ARSG: variants seen among roughly 807,000 people sequenced by gnomAD.
ARSG encodes ASG.
In ARSG, 37 loss-of-function variants were observed where a neutral mutation model predicts 50.5. The observed-to-expected ratio is 0.73, with a 90% confidence interval of 0.56 to 0.96. The LOEUF (loss-of-function observed/expected upper bound fraction) is 0.96. Ranked by LOEUF, ARSG falls within the 50% of genes least tolerant of loss-of-function variation. ARSG has a pLI of 0.00. For synonymous variants in ARSG, 225 were observed against 254.6 expected, an observed-to-expected ratio of 0.88 and a Z score of 1.11; for missense variants, 629 against 675.3, an observed-to-expected ratio of 0.93 and a Z score of 0.76.
At chr17:68,318,285 C>A (rs782766335) in intron 2 of ARSG, among the ~76,000 whole-genome samples, 1 of 152,182 alleles carries the variant, frequency 6.6e-6, no homozygotes, top group Non-Finnish European at 1.5e-5. Flanking sequence ...GGTGAATAAC[C>A]CTGATGATAC....
intron 2 of ARSG, among the ~76,000 whole-genome samples, chr17:68,340,311 GTC>G (rs2078211029): frequency 6.6e-6 from 1 of 152,082 alleles, no homozygotes; most frequent in African/African-American, 2.4e-5. Flanking sequence ...GTGTGACTGA[GTC>G]TTGCTTTGTC....
intron 2 of ARSG, among the ~76,000 whole-genome samples, chr17:68,311,914 C>A (rs1555766926): frequency 2.0e-5 from 3 of 151,568 alleles, no homozygotes; most frequent in Non-Finnish European, 2.9e-5. Flanking sequence ...GATTCTCCAG[C>A]CTCAGCCTCC....
chr17:68,355,094 G>A (rs1444842535), intron 5 of ARSG, among the ~76,000 whole-genome samples: 2 of 152,116 alleles, frequency 1.3e-5, no homozygotes, highest in Non-Finnish European at 2.9e-5. Flanking sequence ...GTTCTCTTTG[G>A]TGACCAGGAC....
chr17:68,320,839 T>G (rs962179142), intron 2 of ARSG, among the ~76,000 whole-genome samples: 1 of 152,148 alleles, frequency 6.6e-6, no homozygotes, highest in African/African-American at 2.4e-5. Flanking sequence ...TGGAGAGAGA[T>G]GTCAGATTCA....
At chr17:68,336,879 TAAATA>T (rs1232862889) in intron 2 of ARSG, among the ~76,000 whole-genome samples, 2 of 151,920 alleles carry the variant, frequency 1.3e-5, no homozygotes, top group South Asian at 4.2e-4. Context: ...AATAAACAAA[TAAATA>T]AGAAAAAGAA....
chr17:68,317,501 C>T (rs1242656165), intron 2 of ARSG, among the ~76,000 whole-genome samples: 1 of 150,616 alleles, frequency 6.6e-6, no homozygotes, highest in Admixed American at 6.7e-5. Flanking sequence ...CCCAAAGCTA[C>T]TGCAAATCAG....
chr17:68,415,047 G>C (rs1185347316), intron 11 of ARSG, among the ~76,000 whole-genome samples: 1 of 151,708 alleles, frequency 6.6e-6, no homozygotes, highest in African/African-American at 2.4e-5. Context: ...CTCTGATCTT[G>C]GTTATTTCCT....
rs149586419 is a variant in ARSG, at chr17:68,368,059, C to T, written c.705-489C>T. On this transcript the variant is annotated intron_variant, in intron 6 of 11. Coordinates refer to ENST00000621439, the MANE Select transcript of ARSG (RefSeq NM_001267727.2). ...CACTCCAGCCTGGGCGACAAGAGTGCGACTCTGTCTCCAAAAAAAAGAAAG... is the reference window on the plus strand; with the variant it reads ...CACTCCAGCCTGGGCGACAAGAGTGTGACTCTGTCTCCAAAAAAAAGAAAG... Among the ~76,000 whole-genome samples the T allele has an allele frequency of 2.0e-3, 301 of 151,880 alleles. 3 individuals carry two copies. Among genetic ancestry groups the T allele is most frequent in the African/African-American group, 6.5e-3 (270 of 41,406 alleles).
chr17:68,403,237 C>T (rs189567677), intron 11 of ARSG, among the ~76,000 whole-genome samples: 2 of 152,274 alleles, frequency 1.3e-5, no homozygotes, highest in East Asian at 1.9e-4. Flanking sequence ...GGTATGGGAC[C>T]TCCAGGCTGA....
At chr17:68,337,719 GT>G (rs889880038) in intron 2 of ARSG, among the ~76,000 whole-genome samples, 1 of 152,158 alleles carries the variant, frequency 6.6e-6, no homozygotes, top group Non-Finnish European at 1.5e-5. Flanking sequence ...CTGGATTCCA[GT>G]GATTCTCCTG....
chr17:68,286,585 A>G (rs1857436029), upstream of ARSG, among the ~76,000 whole-genome samples: 1 of 152,110 alleles, frequency 6.6e-6, no homozygotes. Flanking sequence ...GCTCACTGCA[A>G]CCTTAGCCTC....
At chr17:68,360,635 C>G (rs775961334) in intron 6 of ARSG, among the ~76,000 whole-genome samples, 5 of 152,128 alleles carry the variant, frequency 3.3e-5, no homozygotes, top group Admixed American at 6.6e-5. Flanking sequence ...AAGCAGCAGG[C>G]AAATCTCTGA....
chr17:68,283,833 G>A (rs1227454463), intron 1 of ARSG, among the ~76,000 whole-genome samples: 5 of 138,358 alleles, frequency 3.6e-5, no homozygotes, highest in Admixed American at 2.4e-4. Context: ...AGCCGAGATC[G>A]TGCTATTGCA....
chr17:68,346,096 A>G (rs975562457), intron 3 of ARSG, among the ~76,000 whole-genome samples: 14 of 152,050 alleles, frequency 9.2e-5, no homozygotes, highest in African/African-American at 3.4e-4. Flanking sequence ...GGCTAGTCTC[A>G]AACTCCTGGC....
At position 68,362,409 on chromosome 17, in the gene ARSG, C is replaced by T. The variant is rs77947902; in HGVS notation, c.704+5605C>T. Reference sequence around the variant, plus strand: ...CTAATGACTAGCGAGGCAATCATATCGAACGTCTCCCCCAGGGCTATGTTC... The same window carrying T: ...CTAATGACTAGCGAGGCAATCATATTGAACGTCTCCCCCAGGGCTATGTTC... On this transcript the variant is annotated intron_variant, in intron 6 of 11. Coordinates refer to ENST00000621439, the MANE Select transcript of ARSG (RefSeq NM_001267727.2). 2.3e-3 allele frequency among the ~76,000 whole-genome samples: 347 copies of T among 152,184 alleles called. 3 individuals carry two copies. The highest frequency in any genetic ancestry group is 0.01 in the Middle Eastern group (3 of 294).
At chr17:68,308,233 G>C (rs2076684282) in intron 2 of ARSG, among the ~76,000 whole-genome samples, 1 of 152,176 alleles carries the variant, frequency 6.6e-6, no homozygotes, top group Non-Finnish European at 1.5e-5. Flanking sequence ...TGGAATTGGT[G>C]GGTTCTTGGT....
Position 68,271,250 on chromosome 17 carries a change from C to G in ARSG, c.-552+11824C>G. ...GAAGGTGCAAAGAATCCCAGTGTTG[C>G]AAAGAGACCAAATAATGCATAACAA... On this transcript the variant is annotated intron_variant, in intron 1 of 11. Coordinates refer to the ARSG transcript ENST00000448504. This position sits in a 1 kb window ranked among gnomAD's most constrained non-coding sequence, Gnocchi z 5.3. The G allele has an allele frequency of 6.2e-7, 1 of 1,614,152 alleles. No individual in the cohort carries two copies. The highest frequency in any genetic ancestry group is 2.2e-5 in the East Asian group (1 of 44,890).
rs79770638 is a variant in ARSG, at chr17:68,325,942, C to G, written c.219-17662C>G. ...GATTAGCATGCAGTGGAGTCCCACA[C>G]TGCATTAGTATCCAGGTGGGACATT... On this transcript the variant is annotated intron_variant, in intron 2 of 11. Coordinates refer to ENST00000621439, the MANE Select transcript of ARSG (RefSeq NM_001267727.2). Among the ~76,000 whole-genome samples, 591 of 152,318 alleles carry G rather than the reference C, an allele frequency of 3.9e-3. 1 individual carries two copies. The highest frequency in any genetic ancestry group is 6.8e-3 in the Middle Eastern group (2 of 294).
At chr17:68,429,365 A>ACTT in the ARSG span, among the ~76,000 whole-genome samples, 1 of 152,136 alleles carries the variant, frequency 6.6e-6, no homozygotes, top group Non-Finnish European at 1.5e-5. Context: ...ACTCCTTTAA[A>ACTT]CTTCTTAAAA....
Sources: allele counts gnomAD v4.1 joint callset (sites outside exome capture counted in the v4.1 genomes callset), GRCh38; gene constraint gnomAD v4.1.1; non-coding constraint Gnocchi (gnomAD v3.1); transcripts MANE v1.5; gene names NCBI Gene and HGNC (gene_info 2026-07-23, HGNC 2026-07-21).